AP1M2: variants seen among roughly 807,000 people sequenced by gnomAD.
The protein encoded by AP1M2 is adaptor related protein complex 1 subunit mu 2.
In AP1M2, 41 loss-of-function variants were observed where a neutral mutation model predicts 54.6. That is an observed-to-expected ratio of 0.75 (90% confidence interval 0.59 to 0.97). The LOEUF is 0.97. AP1M2 is among the 50% of genes least tolerant of loss of function. The pLI, the probability that AP1M2 is intolerant of heterozygous loss-of-function variation, is 0.00. For synonymous variants in AP1M2, 219 were observed against 215.9 expected (o/e 1.01, Z -0.13); for missense variants, 507 against 561.2 (o/e 0.90, Z 0.98).
chr19:10,587,154 C>A, intron 1 of AP1M2, 36 bp downstream of exon 1: 1 of 1,549,882 alleles, frequency 6.5e-7, no homozygotes, highest in Non-Finnish European at 8.7e-7. Context: ...CGAGACCTCA[C>A]CTGTCCGTCT....
At chr19:10,587,044 T>C (rs1161618979) in intron 1 of AP1M2, 146 bp downstream of exon 1, 25 of 869,696 alleles carry the variant, frequency 2.9e-5, no homozygotes, top group Non-Finnish European at 3.5e-5. Context: ...ACAAGGCGAG[T>C]GGATGCTGGA....
At chr19:10,584,130 G>A in intron 1 of AP1M2, 60 bp from the exon 2 acceptor site, 1 of 1,559,008 alleles carries the variant, frequency 6.4e-7, no homozygotes, top group East Asian at 2.3e-5. Flanking sequence ...CCACGCTGAG[G>A]AGGCACAGTG....
At position 10,584,016 on chromosome 19, in the gene AP1M2, A is replaced by C. The variant is rs762045609; in HGVS notation, c.97T>G (p.Phe33Val). The C allele has an allele frequency of 4.3e-6, 7 of 1,610,506 alleles. No homozygotes were observed. The South Asian group carries it at 7.8e-5, about 18-fold the overall frequency. ...GDVAMSKIEH[F>V]MPLLVQREEE... Reference sequence around the variant, plus strand: ...TCCCGCTGTACCAGCAAAGGCATGAAGTGCTCAATCTTGCTCATGGCCACA... The same window carrying C: ...TCCCGCTGTACCAGCAAAGGCATGACGTGCTCAATCTTGCTCATGGCCACA... The change falls in exon 2 of 12, where the codon TTC becomes GTC. Residue 33 changes from phenylalanine (F) to valine (V), a missense_variant. By Grantham distance (50) the Phe-to-Val change is conservative. Coordinates refer to ENST00000250244, the MANE Select transcript of AP1M2 (RefSeq NM_005498.5).
At chr19:10,577,438 T>TTC in intron 8 of AP1M2, 82 bp from the exon 9 acceptor site, 15 of 1,296,082 alleles carry the variant, frequency 1.2e-5, no homozygotes, top group Non-Finnish European at 1.5e-5. Context: ...TTTTTTTTTT[T>TTC]TTTTTTTTTT....
chr19:10,586,701 TC>T (rs572891459), intron 1 of AP1M2, among the ~76,000 whole-genome samples: 197 of 152,066 alleles, frequency 1.3e-3, no homozygotes, highest in Non-Finnish European at 2.0e-3. Flanking sequence ...ACCACTGCAC[TC>T]AAGCCTGGGA....
chr19:10,584,472 C>T (rs889344630), intron 1 of AP1M2, among the ~76,000 whole-genome samples: 133 of 152,088 alleles, frequency 8.7e-4, no homozygotes, highest in Non-Finnish European at 1.2e-3. Context: ...CCCAGCTACT[C>T]GGGGTGCTGA....
chr19:10,585,350 A>G (rs928113330), intron 1 of AP1M2, among the ~76,000 whole-genome samples: 5 of 151,144 alleles, frequency 3.3e-5, no homozygotes, highest in East Asian at 3.9e-4. Context: ...AAAGAAAGAA[A>G]GAAAGATGAC....
At chr19:10,573,612 C>T (rs939851125) in intron 11 of AP1M2, among the ~76,000 whole-genome samples, 11 of 151,136 alleles carry the variant, frequency 7.3e-5, no homozygotes, top group African/African-American at 2.7e-4. Context: ...TCTCCAAACT[C>T]GCGACCACCC....
At chr19:10,578,274 C>A (rs1316221626) in intron 8 of AP1M2, among the ~76,000 whole-genome samples, 1 of 152,072 alleles carries the variant, frequency 6.6e-6, no homozygotes, top group African/African-American at 2.4e-5. Context: ...ATATGAAAGG[C>A]TTGTTGAAAA....
chr19:10,584,615 TAAAG>T lies in AP1M2; in HGVS notation c.43-549_43-546del, dbSNP rs532082822. On this transcript the variant is annotated intron_variant, in intron 1 of 11. Coordinates refer to ENST00000250244, the MANE Select transcript of AP1M2 (RefSeq NM_005498.5). ...GAGAGAAAGAAAGAAAGAAAGAAAG[TAAAG>T]AAGGAAGGGAGGAAGGGAAGGAGGG... 2.0e-3 allele frequency among the ~76,000 whole-genome samples: 260 copies of T among 130,030 alleles called. 1 individual carries two copies. The highest frequency in any genetic ancestry group is 3.3e-3 in the Non-Finnish European group (199 of 60,318). 85.3% of individuals were successfully genotyped at this position (130,030 alleles called of 152,430 possible). A position where few individuals can be genotyped will look rare whatever the true frequency, so the allele number is the denominator to read the frequency against.
chr19:10,580,430 G>A (rs1409777957), intron 6 of AP1M2, among the ~76,000 whole-genome samples: 2 of 152,074 alleles, frequency 1.3e-5, no homozygotes, highest in Non-Finnish European at 2.9e-5. Context: ...GGGAGGCTGA[G>A]ATGGGCGGAT....
chr19:10,578,437 A>C (rs111944534), intron 8 of AP1M2, among the ~76,000 whole-genome samples: 1 of 151,874 alleles, frequency 6.6e-6, no homozygotes, highest in African/African-American at 2.4e-5. Flanking sequence ...AGCTGAGATC[A>C]CACCACTGCA....
At chr19:10,585,347 G>GA (rs1286745494) in intron 1 of AP1M2, among the ~76,000 whole-genome samples, 1 of 149,870 alleles carries the variant, frequency 6.7e-6, no homozygotes, top group South Asian at 2.1e-4. Context: ...AAGAAAGAAA[G>GA]AAAGAAAGAT....
chr19:10,585,279 G>A (rs1465147326), intron 1 of AP1M2, among the ~76,000 whole-genome samples: 8 of 27,434 alleles, frequency 2.9e-4, no homozygotes, highest in East Asian at 1.6e-3. Context: ...AAAGAAAGAA[G>A]AAAAAAAGAA....
intron 9 of AP1M2, among the ~76,000 whole-genome samples, chr19:10,576,420 G>A (rs887435868): frequency 4.6e-5 from 7 of 151,376 alleles, no homozygotes; most frequent in Admixed American, 2.6e-4. Flanking sequence ...CTGCAACCAC[G>A]CCCGGCTAAT....
intron 10 of AP1M2, 60 bp downstream of exon 10, chr19:10,574,844 C>CA: frequency 3.9e-6 from 6 of 1,537,666 alleles, no homozygotes; most frequent in Non-Finnish European, 4.4e-6. Context: ...AGCCAAGGGA[C>CA]AGGAGAGAGG....
chr19:10,586,141 G>A (rs1917647581), intron 1 of AP1M2, among the ~76,000 whole-genome samples: 1 of 151,982 alleles, frequency 6.6e-6, no homozygotes, highest in Admixed American at 6.6e-5. Flanking sequence ...AAATTAGCCG[G>A]GCGTGATGGT....
intron 10 of AP1M2, 66 bp from the exon 11 acceptor site, chr19:10,574,558 G>T: frequency 7.1e-7 from 1 of 1,400,518 alleles, no homozygotes. Context: ...CAGGGAGAAA[G>T]AGACGGCTTA....
At chr19:10,584,515 G>A (rs1488777998) in intron 1 of AP1M2, among the ~76,000 whole-genome samples, 1 of 152,096 alleles carries the variant, frequency 6.6e-6, no homozygotes, top group Non-Finnish European at 1.5e-5. Context: ...GGGAGGCGGA[G>A]ATTGCAGTGA....
Sources: allele counts gnomAD v4.1 joint callset (sites outside exome capture counted in the v4.1 genomes callset), GRCh38; gene constraint gnomAD v4.1.1; transcripts MANE v1.5; gene names NCBI Gene and HGNC (gene_info 2026-07-23, HGNC 2026-07-21).